GNAL: variants seen among roughly 807,000 people sequenced by gnomAD.
GNAL encodes the protein G protein subunit alpha L.
GNAL carries 18 observed loss-of-function variants against 55.1 expected under a neutral mutation model. The ratio of observed to expected loss-of-function variants is 0.33; its 90% CI spans 0.23 to 0.48. The LOEUF is 0.48. Among genes scored for constraint, GNAL ranks in the 20% least tolerant of loss-of-function variants. The pLI, the probability that GNAL is intolerant of heterozygous loss-of-function variation, is 0.99. For missense variants in GNAL, 412 were observed against 614.1 expected, an observed-to-expected ratio of 0.67 and a Z score of 3.48; for synonymous variants, 253 against 237.0, an observed-to-expected ratio of 1.07 and a Z score of -0.62.
intron 11 of GNAL, among the ~76,000 whole-genome samples, chr18:11,878,903 C>T (rs1372957677): frequency 6.7e-6 from 1 of 150,072 alleles, no homozygotes; most frequent in Non-Finnish European, 1.5e-5. Context: ...TACACACTTA[C>T]TGTGTATGTG....
rs75042016 is a variant in GNAL at position 11,867,245 on chromosome 18, C to T, written c.910+19C>T. ...TTTAACGGTGATTTTTTTATGCTCT[C>T]TCAAGAAAATAGGAGTGAATTCTAA... On this transcript the variant is annotated intron_variant, in intron 8 of 11. Transcript: ENST00000334049. 3 of 1,529,612 alleles carry T rather than the reference C, an allele frequency of 2.0e-6. No individual in the cohort carries two copies. Among genetic ancestry groups the T allele is most frequent in the South Asian group, 1.1e-5 (1 of 89,268 alleles). 94.8% of individuals were successfully genotyped at this position (1,529,612 alleles called of 1,614,324 possible).
Position 11,875,332 on chromosome 18 carries a change from G to A in GNAL, c.1163-1289G>A, listed in dbSNP as rs1398679360. On this transcript the variant is annotated intron_variant, in intron 10 of 11. Transcript: ENST00000334049. ...TCAGTAGGATTTCTCCCCCACCCCAGCCTGTCTTGCTTGCGCTGCTGTAAC... is the reference window on the plus strand; with the variant it reads ...TCAGTAGGATTTCTCCCCCACCCCAACCTGTCTTGCTTGCGCTGCTGTAAC... Among the ~76,000 whole-genome samples, 3 of 152,208 alleles carry A rather than the reference G, an allele frequency of 2.0e-5. No individual in the cohort carries two copies. The South Asian group carries it at 6.2e-4, about 31-fold the overall frequency.
chr18:11,798,094 A>G (rs2034436418), intron 4 of GNAL, among the ~76,000 whole-genome samples: 1 of 152,224 alleles, frequency 6.6e-6, no homozygotes, highest in African/African-American at 2.4e-5. Flanking sequence ...AAAGCCAGGC[A>G]CGGTGGCTGT....
At chr18:11,746,198 T>A (rs546130335) in intron 1 of GNAL, 1 of 542,266 alleles carries the variant, frequency 1.8e-6, no homozygotes, top group African/African-American at 1.9e-5. Flanking sequence ...TGGTTAAATA[T>A]CATCACTGTA....
Position 11,884,063 on chromosome 18 carries a change from C to G in GNAL, c.*2928C>G. On this transcript the variant is annotated 3_prime_UTR_variant, in exon 12 of 12. Coordinates refer to ENST00000334049, the MANE Select transcript of GNAL (RefSeq NM_182978.4). ...GAACCACTTCACAGGAAGAGGGAAACAGCCCAATATTTATTTATGTATACA... is the reference window on the plus strand; with the variant it reads ...GAACCACTTCACAGGAAGAGGGAAAGAGCCCAATATTTATTTATGTATACA... 1 of 175,182 alleles carries G rather than the reference C, an allele frequency of 5.7e-6. No homozygotes were observed. Among genetic ancestry groups the G allele is most frequent in the Admixed American group, 5.7e-5 (1 of 17,568 alleles). The allele number at this position is 175,182 out of a possible 1,614,324, so 10.9% of individuals were successfully genotyped here. A position where few individuals can be genotyped will look rare whatever the true frequency, so the allele number is the denominator to read the frequency against.
At chr18:11,873,371 C>T (rs1368062026) in intron 10 of GNAL, among the ~76,000 whole-genome samples, 2 of 152,180 alleles carry the variant, frequency 1.3e-5, no homozygotes, top group Non-Finnish European at 2.9e-5. Flanking sequence ...AAATCCTGAC[C>T]CTTGTGGGGC....
chr18:11,867,642 G>A (rs956171977), intron 8 of GNAL, among the ~76,000 whole-genome samples: 56 of 151,812 alleles, frequency 3.7e-4, no homozygotes, highest in Admixed American at 2.0e-4. Flanking sequence ...GTGAAACCCC[G>A]TCTGTACTAA....
chr18:11,879,909 C>T lies in GNAL; in HGVS notation c.1231-1080C>T, dbSNP rs567950593. Among the ~76,000 whole-genome samples, 81 of 152,372 alleles carry T rather than the reference C, an allele frequency of 5.3e-4. 1 individual carries two copies. Among genetic ancestry groups the T allele is most frequent in the Admixed American group, 4.9e-3 (75 of 15,310 alleles). On this transcript the variant is annotated intron_variant, in intron 11 of 11. Coordinates refer to ENST00000334049, the MANE Select transcript of GNAL (RefSeq NM_182978.4). ...CTAAACTGCCCCTGTGTGGAGGCCGCCACCGGGCCGCTGCACCGTCCAGTA... is the reference window on the plus strand; with the variant it reads ...CTAAACTGCCCCTGTGTGGAGGCCGTCACCGGGCCGCTGCACCGTCCAGTA...
chr18:11,825,093 C>A, intron 5 of GNAL, 78 bp downstream of exon 5: 1 of 804,944 alleles, frequency 1.2e-6, no homozygotes, highest in South Asian at 1.6e-5. Context: ...CTTCTCAGTA[C>A]TGAAGTTTCT....
chr18:11,849,939 G>A (rs1489390152), intron 5 of GNAL, among the ~76,000 whole-genome samples: 1 of 152,188 alleles, frequency 6.6e-6, no homozygotes, highest in Non-Finnish European at 1.5e-5. Context: ...CACTGTAACA[G>A]GTGACCTATA....
intron 1 of GNAL, among the ~76,000 whole-genome samples, chr18:11,735,774 GAGAA>G (rs1453693403): frequency 1.6e-5 from 2 of 127,140 alleles, no homozygotes; most frequent in Non-Finnish European, 1.6e-5. Context: ...AAAAGAAAGA[GAGAA>G]AGAAAGGAGG....
chr18:11,836,395 G>A (rs1357450033), intron 5 of GNAL, among the ~76,000 whole-genome samples: 4 of 150,878 alleles, frequency 2.7e-5, no homozygotes, highest in African/African-American at 4.9e-5. Context: ...GTGGTGAGCC[G>A]AGATCACACC....
At chr18:11,744,141 AGG>A (rs1446794565) in intron 1 of GNAL, among the ~76,000 whole-genome samples, 1 of 152,208 alleles carries the variant, frequency 6.6e-6, no homozygotes, top group Non-Finnish European at 1.5e-5. Context: ...TTTTTGGACA[AGG>A]GGTGAAGTCA....
chr18:11,704,592 C>T (rs1486033055), intron 1 of GNAL, among the ~76,000 whole-genome samples: 1 of 152,184 alleles, frequency 6.6e-6, no homozygotes, highest in Non-Finnish European at 1.5e-5. Context: ...GCTCCCTCCC[C>T]AGTTTCCAGA....
chr18:11,802,295 A>G (rs2034541949), intron 4 of GNAL, among the ~76,000 whole-genome samples: 1 of 152,154 alleles, frequency 6.6e-6, no homozygotes, highest in African/African-American at 2.4e-5. Flanking sequence ...CAAGTCATGG[A>G]CAGTCCTGGG....
chr18:11,803,782 G>A (rs113324097), intron 4 of GNAL, among the ~76,000 whole-genome samples: 3 of 151,060 alleles, frequency 2.0e-5, no homozygotes, highest in African/African-American at 7.4e-5. Flanking sequence ...GATGGAACAC[G>A]GAGATACTGT....
At chr18:11,738,738 C>T (rs1264700169) in intron 1 of GNAL, among the ~76,000 whole-genome samples, 2 of 152,292 alleles carry the variant, frequency 1.3e-5, no homozygotes, top group South Asian at 2.1e-4. Flanking sequence ...CATGAGCCAC[C>T]ACGCCCAGCC....
At chr18:11,776,775 C>T (rs1395342714) in intron 4 of GNAL, among the ~76,000 whole-genome samples, 3 of 149,550 alleles carry the variant, frequency 2.0e-5, no homozygotes, top group Non-Finnish European at 3.0e-5. Context: ...CATCCTTGTA[C>T]TTTGTCAAAA....
At chr18:11,876,921 G>A (rs184682582) in intron 11 of GNAL, among the ~76,000 whole-genome samples, 17 of 152,268 alleles carry the variant, frequency 1.1e-4, no homozygotes, top group Admixed American at 3.3e-4. Flanking sequence ...AGAACACAGC[G>A]TTCCAGGGAA....
Sources: allele counts gnomAD v4.1 joint callset (sites outside exome capture counted in the v4.1 genomes callset), GRCh38; gene constraint gnomAD v4.1.1; transcripts MANE v1.5; gene names NCBI Gene and HGNC (gene_info 2026-07-23, HGNC 2026-07-21).